Variants in BCKDHB observed in about 807,000 individuals in gnomAD.
BCKDHB encodes 2-oxoisovalerate dehydrogenase subunit beta, mitochondrial.
A neutral mutation model predicts 48.5 loss-of-function variants in BCKDHB; 41 were observed. The observed-to-expected ratio is 0.85, with a 90% CI of 0.66 to 1.10. The LOEUF (loss-of-function observed/expected upper bound fraction) is 1.10, where lower values mean the gene tolerates loss of function less well. BCKDHB is among the 50% of genes least tolerant of loss of function. BCKDHB has a pLI of 0.00. For missense variants in BCKDHB, 496 were observed against 494.2 expected (o/e 1.00, Z -0.03); for synonymous variants, 201 against 174.8 (o/e 1.15, Z -1.18).
chr6:80,355,770 A>G, the BCKDHB span: 2 of 152,152 alleles, frequency 1.3e-5, no homozygotes, highest in African/African-American at 4.8e-5. Context: ...CATGGAGTAC[A>G]TGGTTCTCTC....
chr6:80,465,092 G>T, the BCKDHB span, among the ~76,000 whole-genome samples: 3 of 152,278 alleles, frequency 2.0e-5, no homozygotes, highest in East Asian at 3.9e-4. Flanking sequence ...TCCAGTTTGG[G>T]TCATTCAGCT....
chr6:80,411,843 G>T, the BCKDHB span, among the ~76,000 whole-genome samples: 1 of 152,236 alleles, frequency 6.6e-6, no homozygotes, highest in Non-Finnish European at 1.5e-5. Flanking sequence ...AGGCAGAAGT[G>T]TATCAGTTTT....
At chr6:80,251,442 A>T (rs1442397286) in intron 8 of BCKDHB, among the ~76,000 whole-genome samples, 1 of 152,202 alleles carries the variant, frequency 6.6e-6, no homozygotes, top group Non-Finnish European at 1.5e-5. Context: ...TCACAGGGAT[A>T]TGGGAAAAAG....
the BCKDHB span, among the ~76,000 whole-genome samples, chr6:80,395,908 A>G: frequency 6.6e-6 from 1 of 152,214 alleles, no homozygotes; most frequent in Admixed American, 6.5e-5. Flanking sequence ...AGCTCAGGCC[A>G]TTGCTTCAGA....
At chr6:80,318,648 G>A (rs1768560114) in intron 9 of BCKDHB, among the ~76,000 whole-genome samples, 1 of 147,666 alleles carries the variant, frequency 6.8e-6, no homozygotes, top group South Asian at 2.1e-4. Context: ...TTGTGCCACT[G>A]CACTCCAGCC....
At chr6:80,343,157 G>C (rs1770006277) in intron 9 of BCKDHB, among the ~76,000 whole-genome samples, 1 of 152,198 alleles carries the variant, frequency 6.6e-6, no homozygotes, top group African/African-American at 2.4e-5. Flanking sequence ...AGCATTATCT[G>C]CAAAAGCTAG....
the BCKDHB span, among the ~76,000 whole-genome samples, chr6:80,354,842 A>G: frequency 2.6e-5 from 4 of 152,116 alleles, no homozygotes; most frequent in Admixed American, 6.6e-5. Flanking sequence ...TGTGTTATCT[A>G]TTCTGTTCCA....
intron 9 of BCKDHB, among the ~76,000 whole-genome samples, chr6:80,291,953 C>T (rs764924799): frequency 2.0e-5 from 3 of 152,142 alleles, no homozygotes; most frequent in Non-Finnish European, 4.4e-5. Context: ...AACTCTGTTC[C>T]ATGAAAGGAA....
At chr6:80,341,494 C>A (rs758461790) in intron 9 of BCKDHB, among the ~76,000 whole-genome samples, 1 of 152,184 alleles carries the variant, frequency 6.6e-6, no homozygotes, top group Non-Finnish European at 1.5e-5. Flanking sequence ...AGATGTTTTT[C>A]TATGCTCGTG....
chr6:80,317,385 ACTAT>A (rs1768500686), intron 9 of BCKDHB, among the ~76,000 whole-genome samples: 1 of 152,138 alleles, frequency 6.6e-6, no homozygotes, highest in African/African-American at 2.4e-5. Flanking sequence ...TCTCTAGGGG[ACTAT>A]CTGTTTCCTA....
chr6:80,383,485 CTATA>C, the BCKDHB span, among the ~76,000 whole-genome samples: 1 of 151,944 alleles, frequency 6.6e-6, no homozygotes, highest in African/African-American at 2.4e-5. Flanking sequence ...ATGACTATAA[CTATA>C]TAGTTTAAAT....
chr6:80,136,523 A>C (rs1770893597), intron 3 of BCKDHB, among the ~76,000 whole-genome samples: 1 of 152,168 alleles, frequency 6.6e-6, no homozygotes, highest in African/African-American at 2.4e-5. Context: ...ATGTAGGGGA[A>C]AAGCTTCGTG....
At chr6:80,298,081 T>C (rs1767351367) in intron 9 of BCKDHB, among the ~76,000 whole-genome samples, 1 of 152,136 alleles carries the variant, frequency 6.6e-6, no homozygotes, top group South Asian at 2.1e-4. Flanking sequence ...GATGTTTAAC[T>C]ATAGCACTCT....
At chr6:80,312,836 A>G (rs1768236354) in intron 9 of BCKDHB, among the ~76,000 whole-genome samples, 1 of 152,174 alleles carries the variant, frequency 6.6e-6, no homozygotes, top group Non-Finnish European at 1.5e-5. Flanking sequence ...GTTTGCCAGC[A>G]TTTTATTGAG....
intron 6 of BCKDHB, among the ~76,000 whole-genome samples, chr6:80,186,511 G>A (rs1733262686): frequency 6.6e-6 from 1 of 152,316 alleles, no homozygotes; most frequent in African/African-American, 2.4e-5. Flanking sequence ...AAACAAGCAG[G>A]GCTCTCAGGC....
intron 2 of BCKDHB, among the ~76,000 whole-genome samples, chr6:80,128,544 T>C (rs1466944785): frequency 6.6e-6 from 1 of 152,152 alleles, no homozygotes; most frequent in African/African-American, 2.4e-5. Context: ...CGTGCTTGCC[T>C]CCTTTCTGCT....
chr6:80,285,956 G>GTA (rs1418736561), intron 9 of BCKDHB, among the ~76,000 whole-genome samples: 3 of 152,012 alleles, frequency 2.0e-5, no homozygotes, highest in Non-Finnish European at 2.9e-5. Context: ...GTGTGTGTGT[G>GTA]TATATGTGTG....
chr6:80,203,318 T>C, intron 8 of BCKDHB, 106 bp downstream of exon 8: 1 of 846,416 alleles, frequency 1.2e-6, no homozygotes, highest in Non-Finnish European at 2.0e-6. Context: ...GTGAGCATTT[T>C]CAATTGATTT....
At chr6:80,408,134 C>T in the BCKDHB span, among the ~76,000 whole-genome samples, 21 of 152,032 alleles carry the variant, frequency 1.4e-4, no homozygotes, top group Middle Eastern at 3.2e-3. Flanking sequence ...GTGGTTTGTT[C>T]TGTTTGTGTG....
Sources: allele counts gnomAD v4.1 joint callset (sites outside exome capture counted in the v4.1 genomes callset), GRCh38; gene constraint gnomAD v4.1.1; transcripts MANE v1.5; gene names NCBI Gene and HGNC (gene_info 2026-07-23, HGNC 2026-07-21).